TJP1: variants seen among roughly 807,000 people sequenced by gnomAD.
TJP1 encodes the protein tight junction protein 1.
Under a neutral mutation model 194.2 loss-of-function variants are expected in TJP1, and 43 were observed. The ratio of observed to expected loss-of-function variants is 0.22; its 90% CI spans 0.17 to 0.29. TJP1 has a LOEUF of 0.29. Among genes scored for constraint, TJP1 ranks in the 10% least tolerant of loss-of-function variants. The probability of loss-of-function intolerance (pLI) is 1.00; values close to 1 mark genes in which losing one functional copy is unlikely to be tolerated. For missense variants in TJP1, 1,971 were observed against 2,185.7 expected (o/e 0.90, Z 1.96); for synonymous variants, 801 against 779.0 (o/e 1.03, Z -0.47).
At chr15:29,932,808 T>A (rs929043719) in intron 2 of TJP1, among the ~76,000 whole-genome samples, 10 of 152,154 alleles carry the variant, frequency 6.6e-5, no homozygotes, top group African/African-American at 2.2e-4. Context: ...TTTGTTTTCA[T>A]TTTGAAAAAT....
chr15:29,703,198 C>T (rs961363588), intron 27 of TJP1, among the ~76,000 whole-genome samples: 5 of 152,132 alleles, frequency 3.3e-5, no homozygotes, highest in Non-Finnish European at 7.4e-5. Context: ...CACCTGTAAT[C>T]CCAGCACTCT....
intron 8 of TJP1, among the ~76,000 whole-genome samples, chr15:29,755,986 TACA>T (rs1386711510): frequency 1.3e-5 from 2 of 152,040 alleles, no homozygotes; most frequent in Non-Finnish European, 2.9e-5. Flanking sequence ...CCCTCTAACA[TACA>T]ATGTTAGAGG....
At chr15:29,747,210 G>C (rs1394793039) in intron 8 of TJP1, among the ~76,000 whole-genome samples, 1 of 152,130 alleles carries the variant, frequency 6.6e-6, no homozygotes, top group Non-Finnish European at 1.5e-5. Context: ...GCTTAAACCT[G>C]GGAGGCAGAG....
intron 2 of TJP1, among the ~76,000 whole-genome samples, chr15:29,900,276 G>A (rs936158289): frequency 1.3e-5 from 2 of 152,162 alleles, no homozygotes; most frequent in African/African-American, 2.4e-5. Flanking sequence ...TGGTGAGAAG[G>A]GAGAGGTACA....
chr15:29,956,106 T>C, intron 2 of TJP1: 2 of 805,722 alleles, frequency 2.5e-6, no homozygotes, highest in Middle Eastern at 5.5e-4. Context: ...AACTGTTGGG[T>C]GAACCATTTC....
chr15:29,873,184 G>A (rs934747148), intron 2 of TJP1, among the ~76,000 whole-genome samples: 2 of 152,222 alleles, frequency 1.3e-5, no homozygotes, highest in African/African-American at 4.8e-5. Context: ...CTGAAGGGCA[G>A]AGTGAGTGCT....
intron 2 of TJP1, among the ~76,000 whole-genome samples, chr15:29,842,966 A>C (rs533023329): frequency 6.6e-6 from 1 of 152,332 alleles, no homozygotes; most frequent in African/African-American, 2.4e-5. Flanking sequence ...CTTACCAATA[A>C]AAATGGGATA....
intron 1 of TJP1, among the ~76,000 whole-genome samples, chr15:29,812,521 G>GACT (rs1019507234): frequency 3.2e-4 from 48 of 152,148 alleles, no homozygotes; most frequent in African/African-American, 1.1e-3. Context: ...GTGCTCTGAT[G>GACT]GAGCAGTGCC....
intron 2 of TJP1, among the ~76,000 whole-genome samples, chr15:29,862,834 G>A (rs1431555698): frequency 1.3e-5 from 2 of 151,240 alleles, no homozygotes; most frequent in South Asian, 2.1e-4. Flanking sequence ...ATTTTTAGTA[G>A]AGACGGGGTT....
chr15:29,820,808 G>T, intron 1 of TJP1: 1 of 509,298 alleles, frequency 2.0e-6, no homozygotes, highest in Non-Finnish European at 3.5e-6. Context: ...AAGGTCAAAA[G>T]GTGCAAGTTA....
chr15:29,964,757 A>G (rs182502167), intron 1 of TJP1, among the ~76,000 whole-genome samples: 36 of 152,288 alleles, frequency 2.4e-4, no homozygotes, highest in Non-Finnish European at 4.6e-4. Context: ...ACTTATACCT[A>G]CCTCAGGTAG....
At chr15:29,710,301 C>T (rs947695459) in intron 24 of TJP1, among the ~76,000 whole-genome samples, 1 of 152,106 alleles carries the variant, frequency 6.6e-6, no homozygotes, top group South Asian at 2.1e-4. Context: ...CTCACAAGCC[C>T]AAGGAGGTGC....
intron 1 of TJP1, among the ~76,000 whole-genome samples, chr15:29,801,338 C>T (rs1461087875): frequency 6.6e-6 from 1 of 152,186 alleles, no homozygotes; most frequent in Non-Finnish European, 1.5e-5. Flanking sequence ...ATCTCCCAAA[C>T]TCCCCCAAGA....
chr15:29,731,053 T>C (rs2043612590), intron 15 of TJP1: 1 of 888,516 alleles, frequency 1.1e-6, no homozygotes, highest in Non-Finnish European at 1.8e-6. Flanking sequence ...TTATCAAGTT[T>C]TATAAAAATG....
At chr15:29,737,205 T>C (rs1466186073) in intron 11 of TJP1, 59 bp downstream of exon 11, 1 of 1,580,180 alleles carries the variant, frequency 6.3e-7, no homozygotes, top group Non-Finnish European at 8.6e-7. Context: ...TGTTGTTTGA[T>C]ACCTTTTTCT....
At chr15:29,817,853 G>GT (rs1215642778) in intron 1 of TJP1, among the ~76,000 whole-genome samples, 7 of 152,120 alleles carry the variant, frequency 4.6e-5, no homozygotes, top group African/African-American at 1.7e-4. Context: ...CGGGTTGGTG[G>GT]TGGGGGGAAA....
At chr15:29,953,563 T>C (rs945699852) in intron 2 of TJP1, among the ~76,000 whole-genome samples, 20 of 152,198 alleles carry the variant, frequency 1.3e-4, no homozygotes, top group African/African-American at 4.6e-4. Flanking sequence ...TGGTAGAAAG[T>C]GGGAGGAGCC....
chr15:29,946,752 C>T (rs946178916), intron 2 of TJP1, among the ~76,000 whole-genome samples: 1 of 152,166 alleles, frequency 6.6e-6, no homozygotes, highest in Non-Finnish European at 1.5e-5. Context: ...AATATTTATA[C>T]TGAGCTGCAC....
At chr15:29,882,113 A>G (rs2052956110) in intron 2 of TJP1, among the ~76,000 whole-genome samples, 1 of 152,172 alleles carries the variant, frequency 6.6e-6, no homozygotes, top group East Asian at 1.9e-4. Flanking sequence ...CTGAGAAGTC[A>G]GACTACAAAC....
Sources: gnomAD v4.1 joint callset for allele counts (sites outside exome capture counted in the v4.1 genomes callset) on GRCh38, gnomAD v4.1.1 for gene constraint, MANE v1.5 for transcripts, NCBI Gene and HGNC (gene_info 2026-07-23, HGNC 2026-07-21) for gene names.